DNAJC18: variants seen among roughly 807,000 people sequenced by gnomAD.
The protein encoded by DNAJC18 is dnaJ homolog subfamily C member 18.
DNAJC18 carries 40 observed loss-of-function variants against 48.6 expected under a neutral mutation model. That is an observed-to-expected ratio of 0.82 (90% CI 0.64 to 1.07). The LOEUF (loss-of-function observed/expected upper bound fraction) is 1.07. Ranked by LOEUF, DNAJC18 falls within the 50% of genes least tolerant of loss-of-function variation. The probability of loss-of-function intolerance (pLI) is 0.00; values close to 1 mark genes in which losing one functional copy is unlikely to be tolerated. For missense variants in DNAJC18, 340 were observed against 427.7 expected (o/e 0.79, Z 1.81); for synonymous variants, 135 against 152.2 (o/e 0.89, Z 0.83).
At chr5:139,426,135 G>T (rs747174630) in intron 4 of DNAJC18, 37 bp downstream of exon 4, 30 of 1,591,568 alleles carry the variant, frequency 1.9e-5, no homozygotes, top group African/African-American at 2.7e-5. Flanking sequence ...CATAAATAAA[G>T]AAATATGTTT....
rs1354987756 is a variant in DNAJC18, at chr5:139,413,011, C to T, written c.*1137G>A. The T allele has an allele frequency of 2.5e-6, 1 of 397,700 alleles. No individual in the cohort carries two copies. Among genetic ancestry groups the T allele is most frequent in the South Asian group, 1.4e-4 (1 of 7,142 alleles). The allele number at this position is 397,700 out of a possible 1,614,324, so 24.6% of individuals were successfully genotyped here. A position where few individuals can be genotyped will look rare whatever the true frequency, so the allele number is the denominator to read the frequency against. On this transcript the variant is annotated 3_prime_UTR_variant, in exon 8 of 8. Coordinates refer to ENST00000302060, the MANE Select transcript of DNAJC18 (RefSeq NM_152686.4). ...TGCTCTGCCACTACAAGACCTGGGT[C>T]ATCCTCTCTGGGCCAATGTTCTCAT...
At chr5:139,427,595 G>T (rs1220833724) in intron 3 of DNAJC18, among the ~76,000 whole-genome samples, 1 of 152,118 alleles carries the variant, frequency 6.6e-6, no homozygotes, top group Non-Finnish European at 1.5e-5. Flanking sequence ...ATAGGCCACA[G>T]ATATTACGTC....
rs781149869 is a variant in DNAJC18 at position 139,439,436 on chromosome 5, T to A, written c.10A>T (p.Thr4Ser). Residue 4 changes from threonine (T) to serine (S), a missense_variant, in exon 1 of 8, where the codon ACT (threonine) becomes TCT (serine). Transcript: ENST00000302060. This position sits in a 1 kb window ranked among gnomAD's most constrained non-coding sequence, Gnocchi z 4.1. MAA[T>S]LGSGERWTEA... ...GTCCAGCGCTCCCCGCTGCCCAGAG[T>A]CGCCGCCATATCGGTTCCCAATCAG... 1.9e-6 allele frequency: 3 copies of A among 1,613,018 alleles called. No homozygotes were observed. Among genetic ancestry groups the A allele is most frequent in the Non-Finnish European group, 2.5e-6 (3 of 1,179,858 alleles).
intron 3 of DNAJC18, 134 bp downstream of exon 3, chr5:139,428,404 C>G: frequency 1.7e-6 from 2 of 1,202,070 alleles, no homozygotes; most frequent in South Asian, 3.1e-5. Context: ...TGCTGATTAT[C>G]ACTATTTAAG....
At chr5:139,435,344 A>G (rs1750619720) in intron 2 of DNAJC18, among the ~76,000 whole-genome samples, 1 of 151,750 alleles carries the variant, frequency 6.6e-6, no homozygotes, top group African/African-American at 2.4e-5. Context: ...CAGAGCAAGA[A>G]TCCGTCTCAA....
At chr5:139,428,226 A>G (rs11741938) in intron 3 of DNAJC18, among the ~76,000 whole-genome samples, 76,240 of 152,072 alleles carry the variant, frequency 0.5, 22,554 homozygotes, top group Non-Finnish European at 0.67. Context: ...GCAAAACCCC[A>G]TCTCCACAAA....
intron 4 of DNAJC18, 98 bp from the exon 5 acceptor site, chr5:139,425,212 G>A: frequency 2.1e-6 from 2 of 938,986 alleles, no homozygotes; most frequent in South Asian, 1.5e-5. Context: ...TACCCAGACT[G>A]GAGTGCAATG....
In DNAJC18 at chr5:139,414,158, C is replaced by T; in HGVS notation, c.1067G>A (p.Arg356Lys). The change falls in exon 8 of 8, where the codon AGA (arginine) becomes AAA (lysine). Residue 356 changes from arginine (R) to lysine (K), a missense_variant. Transcript: ENST00000302060. ...EKLSKLIGLR[R>K]GG ...AGGACCATTATCCTCTCAGCCACCT[C>T]TGCGTAGGCCAATGAGTTTGGAAAG... 6.2e-7 allele frequency: 1 copy of T among 1,614,026 alleles called. No individual in the cohort carries two copies. Among genetic ancestry groups the T allele is most frequent in the Non-Finnish European group, 8.5e-7 (1 of 1,179,978 alleles).
intron 7 of DNAJC18, among the ~76,000 whole-genome samples, chr5:139,416,272 T>C (rs1416216928): frequency 6.6e-6 from 1 of 152,208 alleles, no homozygotes; most frequent in Non-Finnish European, 1.5e-5. Context: ...GAGAATACCT[T>C]TTCTTCTTAG....
chr5:139,427,225 AG>A (rs1451949443), intron 3 of DNAJC18, among the ~76,000 whole-genome samples: 1 of 152,224 alleles, frequency 6.6e-6, no homozygotes, highest in Non-Finnish European at 1.5e-5. Context: ...TCTGAAATTA[AG>A]AAATGTATTT....
intron 7 of DNAJC18, 121 bp from the exon 8 acceptor site, chr5:139,414,393 G>C: frequency 7.4e-7 from 1 of 1,359,378 alleles, no homozygotes; most frequent in Non-Finnish European, 9.8e-7. Context: ...TTAAATATAA[G>C]AAACATTTAG....
chr5:139,420,223 G>T lies in DNAJC18; in HGVS notation c.782C>A (p.Thr261Asn), dbSNP rs201018678. ...TTCTCTAGAAATGGTGTAGCCCAAG[G>T]TCCTGAAACAAGGAGAGAGAGGCTC... ...NPPYSLFYKS[T>N]LGYTISRETQ... is the part of the protein sequence containing the mutation. The change falls in exon 7 of 8, where the codon ACC becomes AAC. Residue 261 changes from threonine to asparagine, a missense_variant and splice_region_variant. By Grantham distance (65) the Thr-to-Asn change is moderately conservative. Transcript: ENST00000302060. 1 of 1,605,738 alleles carries T rather than the reference G, an allele frequency of 6.2e-7. No homozygotes were observed. The highest frequency in any genetic ancestry group is 2.2e-5 in the East Asian group (1 of 44,650).
intron 7 of DNAJC18, among the ~76,000 whole-genome samples, chr5:139,414,906 A>G (rs958982624): frequency 1.3e-5 from 2 of 152,184 alleles, no homozygotes; most frequent in Admixed American, 1.3e-4. Context: ...TTTTCTCTTT[A>G]TGGTGGAGAA....
At position 139,436,251 on chromosome 5, in the gene DNAJC18, AT is replaced by A. The variant is rs1008464007; in HGVS notation, c.227+1120del. ...CAGGCATGTGCCACCATGCCCAAGT[AT>A]TTTTTTTTTCTTTTTTTAGAGATAA... On this transcript the variant is annotated intron_variant, in intron 2 of 7. Transcript: ENST00000302060. Among the ~76,000 whole-genome samples, 23 of 144,510 alleles carry A rather than the reference AT, an allele frequency of 1.6e-4. No homozygotes were observed. In the East Asian group the frequency reaches 1.7e-3, roughly 10 times the overall value. 94.8% of individuals were successfully genotyped at this position (144,510 alleles called of 152,430 possible). A position where few individuals can be genotyped will look rare whatever the true frequency, so the allele number is the denominator to read the frequency against.
At chr5:139,429,646 T>C (rs1001777759) in intron 2 of DNAJC18, among the ~76,000 whole-genome samples, 1 of 152,130 alleles carries the variant, frequency 6.6e-6, no homozygotes, top group Non-Finnish European at 1.5e-5. Context: ...TATTTTGGGC[T>C]GGGCGTGGTG....
rs926372574 is a variant in DNAJC18, at chr5:139,414,289, G to A, written c.953-17C>T. On this transcript the variant is annotated splice_polypyrimidine_tract_variant and intron_variant, in intron 7 of 7. Transcript: ENST00000302060. ...GCTCTGACTCTGAAAGATAAAAGAG[G>A]TAACCAATTCATCAAGAGCTGAACT... The A allele has an allele frequency of 6.2e-7, 1 of 1,603,746 alleles. No homozygotes were observed. Among genetic ancestry groups the A allele is most frequent in the African/African-American group, 1.3e-5 (1 of 74,386 alleles).
chr5:139,426,951 C>G (rs899398602), intron 3 of DNAJC18, among the ~76,000 whole-genome samples: 15 of 152,142 alleles, frequency 9.9e-5, no homozygotes, highest in Admixed American at 3.9e-4. Context: ...GATTCCTGGC[C>G]TCTAGTGATC....
intron 3 of DNAJC18, 128 bp from the exon 4 acceptor site, chr5:139,426,485 T>C (rs1269677026): frequency 3.7e-6 from 4 of 1,085,904 alleles, no homozygotes; most frequent in Non-Finnish European, 3.9e-6. Flanking sequence ...CAAGAAGAGA[T>C]GCTTGGGCCT....
At position 139,426,286 on chromosome 5, in the gene DNAJC18, G is replaced by A. The variant is rs775035435; in HGVS notation, c.445C>T (p.Gln149Ter). Residue 149 changes from glutamine (Q) to a stop codon, truncating the protein, a stop_gained, in exon 4 of 8, where the codon CAG (glutamine) becomes TAG (stop). Coordinates refer to ENST00000302060, the MANE Select transcript of DNAJC18 (RefSeq NM_152686.4). LOFTEE classifies it high-confidence loss of function. Reference protein sequence around the residue: ...RLRYDEYGDEQVTFTAPRARP... With the variant: ...RLRYDEYGDE ...GCTCGAGGGGCAGTGAAAGTCACCT[G>A]TTCATCTCCGTATTCATCATAGCGA... 2 of 1,614,174 alleles carry A rather than the reference G, an allele frequency of 1.2e-6. No homozygotes were observed. The highest frequency in any genetic ancestry group is 1.7e-6 in the Non-Finnish European group (2 of 1,180,028).
Sources: gnomAD v4.1 joint callset for allele counts (sites outside exome capture counted in the v4.1 genomes callset) on GRCh38, gnomAD v4.1.1 for gene constraint, Gnocchi (gnomAD v3.1) non-coding constraint, MANE v1.5 for transcripts, NCBI Gene and HGNC (gene_info 2026-07-23, HGNC 2026-07-21) for gene names.